KCNMA1: variants seen among roughly 807,000 people sequenced by gnomAD.
KCNMA1 encodes potassium calcium-activated channel subfamily M alpha 1, also known as Calcium-activated potassium channel subunit alpha-1.
In KCNMA1, 29 loss-of-function variants were observed where a neutral mutation model predicts 140.0. The observed-to-expected ratio is 0.21, with a 90% CI of 0.15 to 0.28. The LOEUF (loss-of-function observed/expected upper bound fraction) is 0.28. Ranked by LOEUF, KCNMA1 falls within the 10% of genes least tolerant of loss-of-function variation. The pLI, the probability that KCNMA1 is intolerant of heterozygous loss-of-function variation, is 1.00. For missense variants in KCNMA1, 880 were observed against 1,602.2 expected, an observed-to-expected ratio of 0.55 and a Z score of 7.70; for synonymous variants, 612 against 611.9, an observed-to-expected ratio of 1.00 and a Z score of 0.00.
At chr10:77,021,064 C>G (rs2092781537) in intron 16 of KCNMA1, 1 of 152,076 alleles carries the variant, frequency 6.6e-6, no homozygotes, top group Non-Finnish European at 1.5e-5. Flanking sequence ...AAAGTTATCA[C>G]AGATTTTCTC....
intron 2 of KCNMA1, among the ~76,000 whole-genome samples, chr10:77,368,915 G>C (rs1390968836): frequency 6.6e-6 from 1 of 152,172 alleles, no homozygotes; most frequent in African/African-American, 2.4e-5. Context: ...TTGCCAATAT[G>C]ACACTGTCTT....
At chr10:76,942,407 C>T (rs982423234) in intron 23 of KCNMA1, among the ~76,000 whole-genome samples, 2 of 152,158 alleles carry the variant, frequency 1.3e-5, no homozygotes, top group African/African-American at 4.8e-5. Context: ...GTGGAGGGTA[C>T]AAAAACATTC....
intron 2 of KCNMA1, among the ~76,000 whole-genome samples, chr10:77,276,029 G>T (rs984705662): frequency 6.6e-6 from 1 of 152,046 alleles, no homozygotes; most frequent in Non-Finnish European, 1.5e-5. Context: ...CCTTGCCCTT[G>T]CCCCACCTCT....
chr10:77,053,179 C>A (rs1311726815), intron 14 of KCNMA1, among the ~76,000 whole-genome samples: 1 of 152,162 alleles, frequency 6.6e-6, no homozygotes, highest in African/African-American at 2.4e-5. Flanking sequence ...CCCATGCTCA[C>A]CTGTCCCATG....
At chr10:76,991,574 C>T (rs750539169) in intron 19 of KCNMA1, among the ~76,000 whole-genome samples, 14 of 152,126 alleles carry the variant, frequency 9.2e-5, no homozygotes, top group African/African-American at 1.9e-4. Flanking sequence ...GGATCTAGGG[C>T]GATCTGGCTT....
chr10:77,601,974 T>C (rs2082806176), intron 1 of KCNMA1, among the ~76,000 whole-genome samples: 1 of 152,188 alleles, frequency 6.6e-6, no homozygotes, highest in South Asian at 2.1e-4. Flanking sequence ...CCACACCACC[T>C]AAGAAACTCA....
Position 76,891,610 on chromosome 10 carries a change from T to C in KCNMA1, c.3257A>G (p.Tyr1086Cys). 1 of 1,614,026 alleles carries C rather than the reference T, an allele frequency of 6.2e-7. No homozygotes were observed. The highest frequency in any genetic ancestry group is 8.5e-7 in the Non-Finnish European group (1 of 1,179,998). The stretch of plus-strand genomic sequence containing the variant: ...ATTGGCCAGTGTCTGCGGGGTGCTG[T>C]AGCCACCTCTAAGGGCGTTTTCCTC... ...IAEENALRGG[Y>C]STPQTLANRD... The change falls in exon 26 of 28, where the codon TAC becomes TGC. Residue 1086 changes from tyrosine (Y) to cysteine (C), a missense_variant. By Grantham distance (194) the Tyr-to-Cys change is radical. Around this residue, in one of 13 missense-constraint regions of KCNMA1, gnomAD observed 31 missense variants for 38.8 expected, o/e 0.80. Coordinates refer to ENST00000286628, the MANE Select transcript of KCNMA1 (RefSeq NM_001161352.2).
intron 1 of KCNMA1, among the ~76,000 whole-genome samples, chr10:77,448,895 A>T (rs1391101786): frequency 1.3e-5 from 2 of 152,060 alleles, no homozygotes; most frequent in Non-Finnish European, 2.9e-5. Context: ...GAGACCAGCC[A>T]GACTAACATG....
intron 19 of KCNMA1, among the ~76,000 whole-genome samples, chr10:76,988,884 C>G (rs1191477318): frequency 1.3e-5 from 2 of 152,182 alleles, no homozygotes; most frequent in Non-Finnish European, 2.9e-5. Context: ...AACTAGGAAG[C>G]CTCTTTTGCC....
At chr10:77,056,357 G>A (rs979038625) in intron 14 of KCNMA1, among the ~76,000 whole-genome samples, 8 of 152,086 alleles carry the variant, frequency 5.3e-5, no homozygotes, top group African/African-American at 1.9e-4. Context: ...TCCAGCTTGG[G>A]TGACAGAGTG....
intron 1 of KCNMA1, among the ~76,000 whole-genome samples, chr10:77,416,696 T>G (rs1417365954): frequency 6.6e-6 from 1 of 152,190 alleles, no homozygotes; most frequent in East Asian, 1.9e-4. Flanking sequence ...CACTACCACC[T>G]TCATCACACA....
At chr10:77,169,441 G>A (rs1480518524) in intron 5 of KCNMA1, among the ~76,000 whole-genome samples, 1 of 151,716 alleles carries the variant, frequency 6.6e-6, no homozygotes, top group African/African-American at 2.4e-5. Context: ...CCAGGCTGGA[G>A]TACAGTAGCA....
At chr10:77,163,193 C>T (rs1272208748) in intron 5 of KCNMA1, among the ~76,000 whole-genome samples, 3 of 152,190 alleles carry the variant, frequency 2.0e-5, no homozygotes, top group Non-Finnish European at 4.4e-5. Context: ...TTTCCCCCTA[C>T]ATTTTAAAAC....
intron 14 of KCNMA1, among the ~76,000 whole-genome samples, chr10:77,069,797 C>A (rs922748259): frequency 6.6e-6 from 1 of 152,056 alleles, no homozygotes; most frequent in Non-Finnish European, 1.5e-5. Flanking sequence ...TTCCTGTATG[C>A]CAGTAGTCCC....
intron 1 of KCNMA1, among the ~76,000 whole-genome samples, chr10:77,595,954 T>A (rs767679086): frequency 4.6e-5 from 7 of 152,152 alleles, no homozygotes; most frequent in Non-Finnish European, 8.8e-5. Flanking sequence ...CCAGCCCAGA[T>A]AGGTTAGTTT....
intron 1 of KCNMA1, among the ~76,000 whole-genome samples, chr10:77,521,879 C>T (rs1366785597): frequency 6.6e-6 from 1 of 152,034 alleles, no homozygotes. Flanking sequence ...TCTGGAGACC[C>T]TAAGAGGACT....
rs56706119 is a variant in KCNMA1 at position 77,572,569 on chromosome 10, CATATAT to C, written c.378+64690_378+64695del. On this transcript the variant is annotated intron_variant, in intron 1 of 27. Transcript: ENST00000286628. Reference sequence around the variant, plus strand: ...TGTCGCTCCAAAAAAAAAAAAAATCCATATATATATATATATATATATATATATATA... The same window carrying C: ...TGTCGCTCCAAAAAAAAAAAAAATCCATATATATATATATATATATATATA... Among the ~76,000 whole-genome samples, 207 of 37,552 alleles carry C rather than the reference CATATAT, an allele frequency of 5.5e-3. 11 individuals carry two copies. Among genetic ancestry groups the C allele is most frequent in the African/African-American group, 0.015 (141 of 9,274 alleles). 24.6% of individuals were successfully genotyped at this position (37,552 alleles called of 152,430 possible). A position where few individuals can be genotyped will look rare whatever the true frequency, so the allele number is the denominator to read the frequency against.
intron 1 of KCNMA1, among the ~76,000 whole-genome samples, chr10:77,413,415 G>C (rs1213194416): frequency 1.3e-5 from 2 of 152,054 alleles, no homozygotes; most frequent in Non-Finnish European, 2.9e-5. Flanking sequence ...TCACCTCCTG[G>C]GCGGGTTTCC....
intron 1 of KCNMA1, among the ~76,000 whole-genome samples, chr10:77,594,109 G>A (rs1197548530): frequency 2.6e-5 from 4 of 152,118 alleles, no homozygotes; most frequent in South Asian, 2.1e-4. Flanking sequence ...ATTTTTCAAC[G>A]CTAGTGTCCC....
Sources: gnomAD v4.1 joint callset for allele counts (sites outside exome capture counted in the v4.1 genomes callset) on GRCh38, gnomAD v4.1.1 for gene constraint, gnomAD v4.1.1 regional missense constraint, MANE v1.5 for transcripts, NCBI Gene and HGNC (gene_info 2026-07-23, HGNC 2026-07-21) for gene names.